Variants in KCNMA1 observed in about 807,000 individuals in gnomAD.
KCNMA1 encodes potassium calcium-activated channel subfamily M alpha 1, also known as Calcium-activated potassium channel subunit alpha-1.
Under a neutral mutation model 140.0 loss-of-function variants are expected in KCNMA1, and 29 were observed. The ratio of observed to expected loss-of-function variants is 0.21; its 90% CI spans 0.15 to 0.28. The LOEUF is 0.28. Among genes scored for constraint, KCNMA1 ranks in the 10% least tolerant of loss-of-function variants. The pLI is 1.00. For missense variants in KCNMA1, 880 were observed against 1,602.2 expected, an observed-to-expected ratio of 0.55 and a Z score of 7.70; for synonymous variants, 612 against 611.9, an observed-to-expected ratio of 1.00 and a Z score of 0.00.
intron 20 of KCNMA1, among the ~76,000 whole-genome samples, chr10:76,960,618 GTTTTTT>G (rs55685324): frequency 3.4e-4 from 20 of 59,350 alleles, no homozygotes; most frequent in South Asian, 6.6e-4. Flanking sequence ...TTATGGTTTT[GTTTTTT>G]TTTTTTTTTT....
chr10:77,331,979 C>T (rs749726343), intron 2 of KCNMA1, among the ~76,000 whole-genome samples: 2 of 152,156 alleles, frequency 1.3e-5, no homozygotes, highest in Non-Finnish European at 2.9e-5. Context: ...AGACCATGCA[C>T]ATAGATGAGA....
At chr10:77,518,620 G>T (rs2051528132) in intron 1 of KCNMA1, among the ~76,000 whole-genome samples, 1 of 152,206 alleles carries the variant, frequency 6.6e-6, no homozygotes, top group Non-Finnish European at 1.5e-5. Context: ...GACTGGAAGG[G>T]AGGAGGCCTG....
chr10:77,369,632 C>G (rs997174830), intron 2 of KCNMA1, among the ~76,000 whole-genome samples: 1 of 152,168 alleles, frequency 6.6e-6, no homozygotes, highest in African/African-American at 2.4e-5. Flanking sequence ...GAGGCCCCAC[C>G]TATATTTGAG....
At chr10:77,485,805 C>G (rs2098453324) in intron 1 of KCNMA1, among the ~76,000 whole-genome samples, 3 of 152,166 alleles carry the variant, frequency 2.0e-5, no homozygotes, top group African/African-American at 7.2e-5. Flanking sequence ...TGGGACCACA[C>G]TGTGTCCCCC....
At chr10:77,220,878 A>T (rs970967939) in intron 3 of KCNMA1, among the ~76,000 whole-genome samples, 1 of 152,192 alleles carries the variant, frequency 6.6e-6, no homozygotes, top group African/African-American at 2.4e-5. Context: ...CACTGACCTA[A>T]CCATTAGCAA....
chr10:77,536,662 G>A (rs2058963378), intron 1 of KCNMA1, among the ~76,000 whole-genome samples: 1 of 152,168 alleles, frequency 6.6e-6, no homozygotes, highest in African/African-American at 2.4e-5. Flanking sequence ...TGGGCAGGAT[G>A]TTGGGGTTGG....
chr10:77,514,056 G>A (rs545501517), intron 1 of KCNMA1, among the ~76,000 whole-genome samples: 10 of 152,342 alleles, frequency 6.6e-5, no homozygotes, highest in South Asian at 2.1e-4. Context: ...TAGAAGTTTC[G>A]CAGGCTGAAA....
rs1359270931 is a variant in KCNMA1, at chr10:77,404,755, G to A, written c.379-732C>T. 3.9e-5 allele frequency among the ~76,000 whole-genome samples: 6 copies of A among 152,140 alleles called. No homozygotes were observed. In the East Asian group the frequency reaches 1.2e-3, roughly 29 times the overall value. Reference sequence around the variant, plus strand: ...TCCTCTCAGTCTATGTAGTTCAAAGGGGACAGATGGCCTCACATTGGCTCC... The same window carrying A: ...TCCTCTCAGTCTATGTAGTTCAAAGAGGACAGATGGCCTCACATTGGCTCC... On this transcript the variant is annotated intron_variant, in intron 1 of 27. Coordinates refer to ENST00000286628, the MANE Select transcript of KCNMA1 (RefSeq NM_001161352.2).
intron 3 of KCNMA1, among the ~76,000 whole-genome samples, chr10:77,221,536 A>C (rs1222660730): frequency 1.3e-5 from 2 of 152,196 alleles, no homozygotes; most frequent in African/African-American, 4.8e-5. Flanking sequence ...GCAAGAGTGT[A>C]ATTGGATTGT....
In KCNMA1 at chr10:77,637,603, C is replaced by CGCCGCT. The variant is rs2093901062; in HGVS notation, c.34_39dup (p.Ser12_Gly13dup). On this transcript the variant is annotated inframe_insertion, in exon 1 of 28. Transcript: ENST00000286628. ...CTGCTGCCTCCGCCGCCGCCGCCGC[C>CGCCGCT]GCCGCTGCTGCCGCCGCCGCCGCCG... 6.6e-7 allele frequency: 1 copy of CGCCGCT among 1,525,772 alleles called. No individual in the cohort carries two copies. Among genetic ancestry groups the CGCCGCT allele is most frequent in the South Asian group, 1.2e-5 (1 of 82,858 alleles). 94.5% of individuals were successfully genotyped at this position (1,525,772 alleles called of 1,614,324 possible). A position where few individuals can be genotyped will look rare whatever the true frequency, so the allele number is the denominator to read the frequency against.
intron 19 of KCNMA1, among the ~76,000 whole-genome samples, chr10:76,972,347 A>G (rs951682282): frequency 1.3e-5 from 2 of 152,202 alleles, no homozygotes; most frequent in Admixed American, 1.3e-4. Flanking sequence ...GGTTGTGTCC[A>G]GTTACACAAT....
chr10:77,025,281 T>TATATATATATACAC (rs1394239548), intron 16 of KCNMA1, among the ~76,000 whole-genome samples: 1 of 122,332 alleles, frequency 8.2e-6, no homozygotes, highest in Non-Finnish European at 1.7e-5. Flanking sequence ...TATATATATA[T>TATATATATATACAC]ACACACACAC....
chr10:77,605,196 G>C (rs981298219), intron 1 of KCNMA1, among the ~76,000 whole-genome samples: 23 of 152,324 alleles, frequency 1.5e-4, no homozygotes, highest in Non-Finnish European at 2.6e-4. Flanking sequence ...GAGGCCACCT[G>C]GTAAGAAGGG....
intron 1 of KCNMA1, among the ~76,000 whole-genome samples, chr10:77,608,780 C>T (rs774228716): frequency 9.2e-5 from 14 of 152,112 alleles, no homozygotes; most frequent in African/African-American, 2.9e-4. Flanking sequence ...CAAAAAGAAC[C>T]GTTGCATAGA....
intron 1 of KCNMA1, among the ~76,000 whole-genome samples, chr10:77,435,457 A>C (rs2097241892): frequency 6.6e-6 from 1 of 152,222 alleles, no homozygotes; most frequent in Non-Finnish European, 1.5e-5. Flanking sequence ...AAAGGGAGAC[A>C]GGCAAGGGTT....
intron 1 of KCNMA1, among the ~76,000 whole-genome samples, chr10:77,595,896 C>T (rs891759085): frequency 2.0e-5 from 3 of 152,156 alleles, no homozygotes; most frequent in African/African-American, 4.8e-5. Context: ...GTGATCCATC[C>T]GCCTCGACCT....
intron 2 of KCNMA1, among the ~76,000 whole-genome samples, chr10:77,299,208 T>TA (rs2075983172): frequency 6.6e-6 from 1 of 152,208 alleles, no homozygotes; most frequent in Admixed American, 6.5e-5. Context: ...CTCCCTGACT[T>TA]ACTACTACCA....
chr10:77,199,237 A>T (rs1310829671), intron 3 of KCNMA1, among the ~76,000 whole-genome samples: 1 of 152,252 alleles, frequency 6.6e-6, no homozygotes, highest in Non-Finnish European at 1.5e-5. Context: ...CTGTACATTC[A>T]TTCAACAAAT....
intron 1 of KCNMA1, among the ~76,000 whole-genome samples, chr10:77,607,658 G>T (rs956530878): frequency 5.9e-5 from 9 of 152,108 alleles, no homozygotes; most frequent in African/African-American, 1.7e-4. Flanking sequence ...CACAAGACTG[G>T]GGATGCAGGT....
Sources: gnomAD v4.1 joint callset for allele counts (sites outside exome capture counted in the v4.1 genomes callset) on GRCh38, gnomAD v4.1.1 for gene constraint, MANE v1.5 for transcripts, NCBI Gene and HGNC (gene_info 2026-07-23, HGNC 2026-07-21) for gene names.